Variants in SDK1 observed in about 807,000 individuals in gnomAD.
The protein encoded by SDK1 is protein sidekick-1.
SDK1 carries 157 observed loss-of-function variants against 245.5 expected under a neutral mutation model. That is an observed-to-expected ratio of 0.64 (90% CI 0.56 to 0.73). SDK1 has a LOEUF of 0.73. Ranked by LOEUF, SDK1 falls within the 30% of genes least tolerant of loss-of-function variation. The pLI is 0.00. For missense variants in SDK1, 3,583 were observed against 3,002.3 expected (o/e 1.19, Z -4.52); for synonymous variants, 1,647 against 1,278.5 (o/e 1.29, Z -6.15).
chr7:3,348,943 T>C (rs1047909391), intron 1 of SDK1, among the ~76,000 whole-genome samples: 1 of 152,182 alleles, frequency 6.6e-6, no homozygotes, highest in Non-Finnish European at 1.5e-5. Flanking sequence ...TTTGATGCCA[T>C]GTAGCTTGTC....
intron 1 of SDK1, among the ~76,000 whole-genome samples, chr7:3,581,406 T>C (rs577563895): frequency 6.6e-6 from 1 of 152,298 alleles, no homozygotes; most frequent in South Asian, 2.1e-4. Context: ...AAGCTCAATA[T>C]CACTGATCAC....
Position 4,158,448 on chromosome 7 carries a change from A to C in SDK1, c.4626A>C (p.Arg1542Ser). 2 of 1,612,306 alleles carry C rather than the reference A, an allele frequency of 1.2e-6. No individual in the cohort carries two copies. The highest frequency in any genetic ancestry group is 1.7e-6 in the Non-Finnish European group (2 of 1,179,044). Reference protein sequence around the residue: ...SHEATACVVDRLRPFTSYKLR... With the variant: ...SHEATACVVDSLRPFTSYKLR... ...AGTCACGGTCTCTTCCACATTGCAGACTGAGGCCCTTCACCTCCTACAAGC... is the reference window on the plus strand; with the variant it reads ...AGTCACGGTCTCTTCCACATTGCAGCCTGAGGCCCTTCACCTCCTACAAGC... Residue 1542 changes from arginine to serine, a missense_variant and splice_region_variant, in exon 31 of 45, where the codon AGA becomes AGC. Coordinates refer to ENST00000404826, the MANE Select transcript of SDK1 (RefSeq NM_152744.4).
At chr7:3,748,491 T>C (rs1779688647) in intron 4 of SDK1, among the ~76,000 whole-genome samples, 1 of 152,196 alleles carries the variant, frequency 6.6e-6, no homozygotes, top group Non-Finnish European at 1.5e-5. Context: ...TTGGCTTTTG[T>C]CCCTGTGAGG....
At chr7:3,912,308 G>A (rs1233560284) in intron 5 of SDK1, among the ~76,000 whole-genome samples, 3 of 152,192 alleles carry the variant, frequency 2.0e-5, no homozygotes, top group Non-Finnish European at 4.4e-5. Context: ...GCTAATGCGT[G>A]TATTGTGAAC....
intron 4 of SDK1, among the ~76,000 whole-genome samples, chr7:3,729,276 G>A (rs796638478): frequency 6.6e-6 from 1 of 152,188 alleles, no homozygotes; most frequent in African/African-American, 2.4e-5. Context: ...GGACTATGAA[G>A]GTCTATTCTC....
intron 4 of SDK1, among the ~76,000 whole-genome samples, chr7:3,677,352 G>C (rs1427028729): frequency 6.6e-6 from 1 of 152,144 alleles, no homozygotes; most frequent in Non-Finnish European, 1.5e-5. Flanking sequence ...CCCAAGACTG[G>C]GTAATTTATA....
chr7:4,198,169 G>A (rs7810341), intron 35 of SDK1, among the ~76,000 whole-genome samples: 25,564 of 152,182 alleles, frequency 0.17, 2,342 homozygotes, highest in African/African-American at 0.2. Context: ...TGCCTCTGTG[G>A]AAATGTCCTG....
At chr7:4,186,930 G>C (rs943070332) in intron 35 of SDK1, among the ~76,000 whole-genome samples, 1 of 152,158 alleles carries the variant, frequency 6.6e-6, no homozygotes, top group Non-Finnish European at 1.5e-5. Flanking sequence ...GGCCAGACCT[G>C]GGATTGCCAC....
intron 13 of SDK1, among the ~76,000 whole-genome samples, chr7:3,985,454 C>T (rs372163660): frequency 6.6e-6 from 1 of 152,110 alleles, no homozygotes; most frequent in Non-Finnish European, 1.5e-5. Flanking sequence ...GGCATTTCCG[C>T]CTCTAATGGA....
intron 31 of SDK1, among the ~76,000 whole-genome samples, chr7:4,159,168 T>G (rs2128211632): frequency 6.6e-6 from 1 of 152,248 alleles, no homozygotes; most frequent in African/African-American, 2.4e-5. Context: ...CCCAGCAGCG[T>G]TTCATCATCA....
At chr7:3,523,471 G>A (rs1783012936) in intron 1 of SDK1, among the ~76,000 whole-genome samples, 1 of 152,058 alleles carries the variant, frequency 6.6e-6, no homozygotes, top group Non-Finnish European at 1.5e-5. Flanking sequence ...TAGATTAGTG[G>A]ATTAAAATGA....
intron 1 of SDK1, among the ~76,000 whole-genome samples, chr7:3,408,135 T>G (rs1258016524): frequency 1.3e-5 from 2 of 152,138 alleles, no homozygotes; most frequent in Non-Finnish European, 2.9e-5. Context: ...CCTCCCAGGT[T>G]CAAGCAATTC....
At chr7:4,185,972 G>A (rs145343172) in intron 35 of SDK1, among the ~76,000 whole-genome samples, 120 of 152,240 alleles carry the variant, frequency 7.9e-4, no homozygotes, top group African/African-American at 2.8e-3. Context: ...GGATGGAGCG[G>A]CTCCAGGGCC....
intron 35 of SDK1, among the ~76,000 whole-genome samples, chr7:4,203,903 G>T (rs1370145607): frequency 2.0e-5 from 3 of 152,250 alleles, no homozygotes; most frequent in Non-Finnish European, 4.4e-5. Context: ...ACGGCAGTGC[G>T]GCTCAGCTGC....
At chr7:4,092,154 T>G (rs1413506454) in intron 22 of SDK1, among the ~76,000 whole-genome samples, 1 of 152,206 alleles carries the variant, frequency 6.6e-6, no homozygotes, top group Non-Finnish European at 1.5e-5. Flanking sequence ...TAACAGTGCC[T>G]GTCTCACGGG....
Position 3,654,118 on chromosome 7 carries a change from A to T in SDK1, c.713+12013A>T, listed in dbSNP as rs1041642087. Among the ~76,000 whole-genome samples the T allele has an allele frequency of 2.0e-5, 3 of 152,052 alleles. No individual in the cohort carries two copies. In the East Asian group the frequency reaches 5.8e-4, roughly 29 times the overall value. On this transcript the variant is annotated intron_variant, in intron 4 of 44. Coordinates refer to ENST00000404826, the MANE Select transcript of SDK1 (RefSeq NM_152744.4). ...TGGGAGGAAGGACCCTGGTGTAGAG[A>T]ATATGCTGGAGCCATGGGCAGCCCC...
At chr7:4,164,259 C>T (rs764992674) in intron 32 of SDK1, among the ~76,000 whole-genome samples, 11 of 152,214 alleles carry the variant, frequency 7.2e-5, no homozygotes, top group East Asian at 1.9e-4. Flanking sequence ...GGAAAAGTGA[C>T]GAAGGACCCA....
intron 4 of SDK1, among the ~76,000 whole-genome samples, chr7:3,670,673 T>C (rs1783671983): frequency 6.6e-6 from 1 of 152,236 alleles, no homozygotes; most frequent in Admixed American, 6.5e-5. Flanking sequence ...CTGGGAATTC[T>C]CGTTGCTCTC....
At chr7:3,435,572 C>G (rs1471194118) in intron 1 of SDK1, among the ~76,000 whole-genome samples, 3 of 151,688 alleles carry the variant, frequency 2.0e-5, no homozygotes, top group Admixed American at 2.0e-4. Context: ...ACCGTGTTGT[C>G]CAGGCTGGTT....
Sources: gnomAD v4.1 joint callset for allele counts (sites outside exome capture counted in the v4.1 genomes callset) on GRCh38, gnomAD v4.1.1 for gene constraint, MANE v1.5 for transcripts, NCBI Gene and HGNC (gene_info 2026-07-23, HGNC 2026-07-21) for gene names.